CEP112: variants seen among roughly 807,000 people sequenced by gnomAD.
CEP112 encodes the protein centrosomal protein 112.
In CEP112, 127 loss-of-function variants were observed where a neutral mutation model predicts 153.0. The observed-to-expected ratio is 0.83, with a 90% CI of 0.72 to 0.96. CEP112 has a LOEUF of 0.96. Among genes scored for constraint, CEP112 ranks in the 40% least tolerant of loss-of-function variants. CEP112 has a pLI of 0.00. For synonymous variants in CEP112, 358 were observed against 374.4 expected (o/e 0.96, Z 0.51); for missense variants, 1,089 against 1,101.2 (o/e 0.99, Z 0.16).
At chr17:65,673,038 G>A (rs751633616) in intron 24 of CEP112, among the ~76,000 whole-genome samples, 26 of 152,124 alleles carry the variant, frequency 1.7e-4, no homozygotes, top group Non-Finnish European at 3.1e-4. Flanking sequence ...AAGTTTGAGG[G>A]AGCTCAGCTG....
At chr17:66,189,284 T>G (rs767519768) in intron 1 of CEP112, among the ~76,000 whole-genome samples, 48 of 152,198 alleles carry the variant, frequency 3.2e-4, no homozygotes, top group Non-Finnish European at 5.3e-4. Flanking sequence ...GCGGATAACT[T>G]GAGGTCAGGA....
chr17:65,972,343 A>G (rs1262985321), intron 17 of CEP112, among the ~76,000 whole-genome samples: 3 of 152,238 alleles, frequency 2.0e-5, no homozygotes, highest in Non-Finnish European at 2.9e-5. Context: ...AGCATTTTGG[A>G]TTAATGAAAC....
intron 5 of CEP112, among the ~76,000 whole-genome samples, chr17:66,131,720 C>T (rs1355297530): frequency 2.0e-5 from 3 of 151,846 alleles, no homozygotes; most frequent in Non-Finnish European, 4.4e-5. Flanking sequence ...GCACTCCAGC[C>T]TGGGCGACAG....
At chr17:65,670,733 T>G (rs2046941092) in intron 24 of CEP112, among the ~76,000 whole-genome samples, 2 of 152,192 alleles carry the variant, frequency 1.3e-5, no homozygotes, top group African/African-American at 2.4e-5. Flanking sequence ...ACCAAAAATT[T>G]AGCAGTTTTA....
At chr17:65,763,011 C>T (rs2052707361) in intron 21 of CEP112, among the ~76,000 whole-genome samples, 1 of 151,922 alleles carries the variant, frequency 6.6e-6, no homozygotes, top group Admixed American at 6.6e-5. Context: ...AACAAACTCC[C>T]CCAATTTTTG....
chr17:65,806,970 G>A (rs568228291), intron 21 of CEP112, among the ~76,000 whole-genome samples: 1 of 152,292 alleles, frequency 6.6e-6, no homozygotes, highest in South Asian at 2.1e-4. Flanking sequence ...ACAGTTTGGA[G>A]GGCTCAAAAG....
intron 20 of CEP112, among the ~76,000 whole-genome samples, chr17:65,887,759 G>A (rs1016462540): frequency 6.6e-6 from 1 of 152,176 alleles, no homozygotes. Flanking sequence ...GCAGGCAGGA[G>A]CCCTGCAGCC....
intron 9 of CEP112, among the ~76,000 whole-genome samples, chr17:66,068,585 C>G (rs2067203561): frequency 6.6e-6 from 1 of 152,134 alleles, no homozygotes; most frequent in Non-Finnish European, 1.5e-5. Context: ...GATGAATATA[C>G]TTTTCAAATC....
chr17:65,675,036 A>C (rs1598280574), intron 24 of CEP112, among the ~76,000 whole-genome samples: 1 of 152,348 alleles, frequency 6.6e-6, no homozygotes, highest in South Asian at 2.1e-4. Context: ...AAATATAATA[A>C]GCAAAATTAA....
chr17:65,893,616 A>G (rs984562844), intron 20 of CEP112, among the ~76,000 whole-genome samples: 4 of 152,188 alleles, frequency 2.6e-5, no homozygotes, highest in African/African-American at 7.2e-5. Context: ...TGGGGGCTCA[A>G]TTCAGCCCAT....
Position 65,926,502 on chromosome 17 carries a change from C to T in CEP112, c.1980+1080G>A, listed in dbSNP as rs531803677. Among the ~76,000 whole-genome samples the T allele has an allele frequency of 8.6e-4, 131 of 152,236 alleles. 3 individuals are homozygous for T. The South Asian group carries it at 8.9e-3, about 10-fold the overall frequency. On this transcript the variant is annotated intron_variant, in intron 19 of 26. Transcript: ENST00000535342. ...CTGAGGTGGGCAGATCACCTGAAAT[C>T]AGGAGTTCAAAACCAGCCTGGCCAA...
chr17:65,709,377 A>G lies in CEP112; in HGVS notation c.2608-20159T>C, dbSNP rs138910653. Among the ~76,000 whole-genome samples, 254 of 152,342 alleles carry G rather than the reference A, an allele frequency of 1.7e-3. 1 individual carries two copies. Among genetic ancestry groups the G allele is most frequent in the African/African-American group, 3.0e-3 (125 of 41,586 alleles). On this transcript the variant is annotated intron_variant, in intron 23 of 26. Transcript: ENST00000535342. Reference sequence around the variant, plus strand: ...AGGTTTAATTGACTCACAGTTCCACATGGCTGGGGCAGCCTCACAATCACG... The same window carrying G: ...AGGTTTAATTGACTCACAGTTCCACGTGGCTGGGGCAGCCTCACAATCACG...
At chr17:65,803,252 G>A (rs965369727) in intron 21 of CEP112, among the ~76,000 whole-genome samples, 2 of 152,218 alleles carry the variant, frequency 1.3e-5, no homozygotes, top group African/African-American at 2.4e-5. Flanking sequence ...CTCAAGGCCA[G>A]AACCATTCAG....
At chr17:65,950,916 C>A (rs1466394458) in intron 18 of CEP112, among the ~76,000 whole-genome samples, 1 of 151,964 alleles carries the variant, frequency 6.6e-6, no homozygotes, top group African/African-American at 2.4e-5. Context: ...TGCTTCGAGT[C>A]CTAATTTGCC....
rs2045981382 is a variant in CEP112, at chr17:65,654,944, C to T, written c.2698-13879G>A. 2 of 645,548 alleles carry T rather than the reference C, an allele frequency of 3.1e-6. 1 individual carries two copies. The highest frequency in any genetic ancestry group is 5.8e-6 in the Non-Finnish European group (2 of 342,872). The allele number at this position is 645,548 out of a possible 1,614,324, so 40.0% of individuals were successfully genotyped here. A position where few individuals can be genotyped will look rare whatever the true frequency, so the allele number is the denominator to read the frequency against. On this transcript the variant is annotated intron_variant, in intron 24 of 26. Transcript: ENST00000535342. The stretch of plus-strand genomic sequence containing the variant: ...TCGGACAGCGATCCATCCTAAAGCA[C>T]AAATTATTGCGGAAGCCGGGCCAAT...
chr17:65,638,717 C>A lies in CEP112; in HGVS notation c.2800-1529G>T, dbSNP rs893372129. 2.6e-5 allele frequency among the ~76,000 whole-genome samples: 4 copies of A among 152,160 alleles called. No individual in the cohort carries two copies. The East Asian group carries it at 5.8e-4, about 22-fold the overall frequency. ...AAACACAGGCACCTGTGCTTTCAAA[C>A]TAAATTTGCTCACTGTATGGCCTGT... is the stretch of plus-strand genomic sequence containing the variant. On this transcript the variant is annotated intron_variant, in intron 25 of 26. Coordinates refer to ENST00000535342, the MANE Select transcript of CEP112 (RefSeq NM_001199165.4).
intron 18 of CEP112, among the ~76,000 whole-genome samples, chr17:65,928,642 C>T (rs2061013554): frequency 6.6e-6 from 1 of 152,070 alleles, no homozygotes; most frequent in Non-Finnish European, 1.5e-5. Flanking sequence ...GCAGGAGGAT[C>T]GCTTGAGCCC....
At chr17:65,857,543 G>A (rs985779899) in intron 20 of CEP112, among the ~76,000 whole-genome samples, 4 of 152,114 alleles carry the variant, frequency 2.6e-5, no homozygotes, top group African/African-American at 9.7e-5. Flanking sequence ...CCTGGTCAAT[G>A]TTTATTATTT....
At chr17:66,146,809 A>G (rs2070938794) in intron 4 of CEP112, among the ~76,000 whole-genome samples, 1 of 152,146 alleles carries the variant, frequency 6.6e-6, no homozygotes, top group Non-Finnish European at 1.5e-5. Context: ...AATGTCTTCA[A>G]GATTTATCCA....
Sources: gnomAD v4.1 joint callset for allele counts (sites outside exome capture counted in the v4.1 genomes callset) on GRCh38, gnomAD v4.1.1 for gene constraint, MANE v1.5 for transcripts, NCBI Gene and HGNC (gene_info 2026-07-23, HGNC 2026-07-21) for gene names.